The following AGAP2 variants were observed in gnomAD, a reference collection of about 807,000 sequenced individuals.
The protein encoded by AGAP2 is ArfGAP with GTPase domain, ankyrin repeat and PH domain 2.
Under a neutral mutation model 110.9 loss-of-function variants are expected in AGAP2, and 32 were observed. The ratio of observed to expected loss-of-function variants is 0.29; its 90% CI spans 0.22 to 0.39. The LOEUF is 0.39. Among genes scored for constraint, AGAP2 ranks in the 10% least tolerant of loss-of-function variants. The probability of loss-of-function intolerance (pLI) is 1.00; values close to 1 mark genes in which losing one functional copy is unlikely to be tolerated. For missense variants in AGAP2, 1,285 were observed against 1,638.5 expected (o/e 0.78, Z 3.72); for synonymous variants, 702 against 713.0 (o/e 0.98, Z 0.25).
chr12:57,741,768 T>A (rs1014065479), upstream of AGAP2: 13 of 952,898 alleles, frequency 1.4e-5, no homozygotes, highest in Non-Finnish European at 2.1e-5. Context: ...TCTTTTTCCA[T>A]CCTCCCTAAA....
At chr12:57,733,385 C>T (rs1954923159) in intron 5 of AGAP2, among the ~76,000 whole-genome samples, 1 of 152,118 alleles carries the variant, frequency 6.6e-6, no homozygotes, top group African/African-American at 2.4e-5. Flanking sequence ...TGGGTCATGG[C>T]TGGACTGCCC....
chr12:57,730,703 G>C, intron 11 of AGAP2, 88 bp downstream of exon 11: 29 of 1,606,210 alleles, frequency 1.8e-5, no homozygotes, highest in Non-Finnish European at 2.5e-5. Context: ...CTTCCTACTC[G>C]CCCAGTGCCA....
Position 57,725,254 on chromosome 12 carries a change from AAGG to A in AGAP2, c.*1295_*1297del, listed in dbSNP as rs1954740750. On this transcript the variant is annotated 3_prime_UTR_variant, in exon 19 of 19. Coordinates refer to ENST00000547588, the MANE Select transcript of AGAP2 (RefSeq NM_001122772.3). Reference sequence around the variant, plus strand: ...GAAGAAGATTCACACCACTGCCTCCAAGGAGATGGGGGGGCATTTCCCCCTTGC... The same window carrying A: ...GAAGAAGATTCACACCACTGCCTCCAAGATGGGGGGGCATTTCCCCCTTGC... 6.6e-6 allele frequency: 1 copy of A among 151,924 alleles called. No homozygotes were observed. The highest frequency in any genetic ancestry group is 2.4e-5 in the African/African-American group (1 of 41,258). The allele number at this position is 151,924 out of a possible 1,614,324, so 9.4% of individuals were successfully genotyped here.
At position 57,727,224 on chromosome 12, in the gene AGAP2, T is replaced by C. The variant is rs779127307; in HGVS notation, c.3086A>G (p.Glu1029Gly). 5 of 1,612,202 alleles carry C rather than the reference T, an allele frequency of 3.1e-6. No individual in the cohort carries two copies. The South Asian group carries it at 4.4e-5, about 14-fold the overall frequency. ...AKPSRDSSRE[E>G]RESWIRAKYE... ...CTTGGCGCGAATCCACGACTCGCGC[T>C]CCTCCCTGCAAGACCAGGGATCAAC... The change falls in exon 18 of 19, where the codon GAG (glutamate) becomes GGG (glycine). Residue 1029 changes from glutamate (E) to glycine (G), a missense_variant. Physicochemically the swap from Glu to Gly is moderately conservative, Grantham distance 98. Around this residue, in one of 7 missense-constraint regions of AGAP2, gnomAD observed 201 missense variants for 276.1 expected, o/e 0.73. Coordinates refer to ENST00000547588, the MANE Select transcript of AGAP2 (RefSeq NM_001122772.3).
intron 6 of AGAP2, 88 bp from the exon 7 acceptor site, chr12:57,732,600 C>T: frequency 7.5e-7 from 1 of 1,342,262 alleles, no homozygotes; most frequent in Non-Finnish European, 1.0e-6. Context: ...CCCCAGTAGA[C>T]AACACAGGAC....
chr12:57,738,113 C>T lies in AGAP2; in HGVS notation c.134G>A (p.Arg45Lys). The T allele has an allele frequency of 6.6e-7, 1 of 1,521,360 alleles. No individual in the cohort carries two copies. The highest frequency in any genetic ancestry group is 8.8e-7 in the Non-Finnish European group (1 of 1,140,020). The allele number at this position is 1,521,360 out of a possible 1,614,324, so 94.2% of individuals were successfully genotyped here. The change falls in exon 1 of 19, where the codon AGA (arginine) becomes AAA (lysine). Residue 45 changes from arginine (R) to lysine (K), a missense_variant. Physicochemically the swap from Arg to Lys is conservative, Grantham distance 26. This residue lies in a region of AGAP2 where 844 missense variants were observed against 941.2 expected (regional missense o/e 0.90). Coordinates refer to ENST00000547588, the MANE Select transcript of AGAP2 (RefSeq NM_001122772.3). This position sits in a 1 kb window ranked among gnomAD's most constrained non-coding sequence, Gnocchi z 6.7. Reference protein sequence around the residue: ...SAAAAGAAGARGSETGDPGSP... With the variant: ...SAAAAGAAGAKGSETGDPGSP... ...GCCAGGATCCCCAGTCTCGGAGCCT[C>T]TGGCACCGGCGGCGCCGGCCGCGGC...
At chr12:57,733,981 C>G in intron 5 of AGAP2, 45 bp downstream of exon 5, 2 of 1,524,064 alleles carry the variant, frequency 1.3e-6, no homozygotes, top group Non-Finnish European at 1.8e-6. Flanking sequence ...CAGTAGCCTC[C>G]TTAGGGCCTC....
In AGAP2 at chr12:57,737,639, C is replaced by T. The variant is rs550139604; in HGVS notation, c.608G>A (p.Gly203Asp). The T allele has an allele frequency of 7.1e-6, 11 of 1,547,138 alleles. No individual in the cohort carries two copies. In the East Asian group the frequency reaches 9.8e-5, roughly 14 times the overall value. ...VTTSGAKAGG[G>D]KGAGSRLSWP... ...TGACAGGCGGCTACCCGCGCCCTTG[C>T]CCCCGCCGGCTTTGGCTCCACTCGT... The change falls in exon 1 of 19, where the codon GGC becomes GAC. Residue 203 changes from glycine (G) to aspartate (D), a missense_variant. By Grantham distance (94) the Gly-to-Asp change is moderately conservative. Around this residue, in one of 7 missense-constraint regions of AGAP2, gnomAD observed 844 missense variants for 941.2 expected, o/e 0.90. Coordinates refer to ENST00000547588, the MANE Select transcript of AGAP2 (RefSeq NM_001122772.3). This position sits in a 1 kb window ranked among gnomAD's most constrained non-coding sequence, Gnocchi z 5.9.
chr12:57,729,823 C>A (rs1374726528), intron 12 of AGAP2, 56 bp from the exon 13 acceptor site: 3 of 1,550,230 alleles, frequency 1.9e-6, no homozygotes, highest in Admixed American at 2.0e-5. Context: ...TTCCTGATTT[C>A]TTGATAGCCT....
At chr12:57,736,500 C>G (rs994659267) in intron 1 of AGAP2, among the ~76,000 whole-genome samples, 1 of 151,942 alleles carries the variant, frequency 6.6e-6, no homozygotes, top group African/African-American at 2.4e-5. Context: ...TATCCGCCCC[C>G]TCTCACTTCA....
In AGAP2 at chr12:57,728,052, G is replaced by A. The variant is rs1954807332; in HGVS notation, c.2651C>T (p.Thr884Met). ...TGCCTCAAAGTGCCACGTCTGACCCGTGCTGGACACGATCAGGAACTCAAA... is the reference window on the plus strand; with the variant it reads ...TGCCTCAAAGTGCCACGTCTGACCCATGCTGGACACGATCAGGAACTCAAA... ...ENFEFLIVSS[T>M]GQTWHFEAAS... The change falls in exon 15 of 19, where the codon ACG (threonine) becomes ATG (methionine). Residue 884 changes from threonine to methionine, a missense_variant. By Grantham distance (81) the Thr-to-Met change is moderately conservative. This residue lies in a region of AGAP2 where 25 missense variants were observed against 67.5 expected (regional missense o/e 0.37). Transcript: ENST00000547588. 1.1e-5 allele frequency: 18 copies of A among 1,608,660 alleles called. No homozygotes were observed. Among genetic ancestry groups the A allele is most frequent in the Non-Finnish European group, 1.5e-5 (18 of 1,177,304 alleles).
intron 4 of AGAP2, 46 bp from the exon 5 acceptor site, chr12:57,734,219 C>T: frequency 2.5e-6 from 4 of 1,609,830 alleles, no homozygotes; most frequent in Non-Finnish European, 2.5e-6. Flanking sequence ...CAGGTCTACT[C>T]CTCTGGACCC....
In AGAP2 at chr12:57,725,345, A is replaced by AG. The variant is rs1262639248; in HGVS notation, c.*1206_*1207insC. On this transcript the variant is annotated 3_prime_UTR_variant, in exon 19 of 19. Transcript: ENST00000547588. ...GCAAACTATTTTAGCCAGAAAAAAA[A>AG]AAAAAAAAAAAGACCGGAAACCACT... 6.6e-6 allele frequency: 1 copy of AG among 151,130 alleles called. No homozygotes were observed. Among genetic ancestry groups the AG allele is most frequent in the African/African-American group, 2.4e-5 (1 of 41,078 alleles). The allele number at this position is 151,130 out of a possible 1,614,324, so 9.4% of individuals were successfully genotyped here. A position where few individuals can be genotyped will look rare whatever the true frequency, so the allele number is the denominator to read the frequency against.
upstream of AGAP2, among the ~76,000 whole-genome samples, chr12:57,741,697 T>C (rs1167412489): frequency 1.3e-5 from 2 of 152,188 alleles, no homozygotes; most frequent in South Asian, 2.1e-4. Flanking sequence ...CAGGGACCTG[T>C]ATTTTGATCT....
intron 3 of AGAP2, 53 bp from the exon 4 acceptor site, chr12:57,734,457 C>T (rs1359553857): frequency 6.3e-7 from 1 of 1,598,030 alleles, no homozygotes; most frequent in Non-Finnish European, 8.6e-7. Flanking sequence ...GGTCACCAAA[C>T]CTCCCCATGC....
At chr12:57,740,058 T>A (rs1276866961), upstream of AGAP2, 1 of 152,304 alleles carries the variant, frequency 6.6e-6, no homozygotes, top group Non-Finnish European at 1.5e-5. Context: ...AAGGTCTCTC[T>A]GCAGCCTTGG....
intron 1 of AGAP2, among the ~76,000 whole-genome samples, chr12:57,736,288 C>A (rs1047131953): frequency 2.0e-5 from 3 of 152,206 alleles, no homozygotes; most frequent in African/African-American, 7.2e-5. Flanking sequence ...TGCCTATCTC[C>A]TCCAGTAGGA....
intron 1 of AGAP2, among the ~76,000 whole-genome samples, chr12:57,736,605 C>T (rs759789498): frequency 7.2e-5 from 11 of 152,352 alleles, no homozygotes; most frequent in African/African-American, 2.4e-4. Flanking sequence ...TGCTCTCAGC[C>T]CAGGGGACGA....
chr12:57,737,621 C>G lies in AGAP2; in HGVS notation c.626G>C (p.Arg209Pro). 1.3e-6 allele frequency: 2 copies of G among 1,547,376 alleles called. No individual in the cohort carries two copies. The highest frequency in any genetic ancestry group is 1.7e-6 in the Non-Finnish European group (2 of 1,146,728). Reference sequence around the variant, plus strand: ...GCCCTCGCTTTCGGGCCATGACAGGCGGCTACCCGCGCCCTTGCCCCCGCC... The same window carrying G: ...GCCCTCGCTTTCGGGCCATGACAGGGGGCTACCCGCGCCCTTGCCCCCGCC... ...KAGGGKGAGS[R>P]LSWPESEGKP... Residue 209 changes from arginine to proline, a missense_variant, in exon 1 of 19, where the codon CGC (arginine) becomes CCC (proline). Physicochemically the swap from Arg to Pro is moderately radical, Grantham distance 103. Around this residue, in one of 7 missense-constraint regions of AGAP2, gnomAD observed 844 missense variants for 941.2 expected, o/e 0.90. Transcript: ENST00000547588. The surrounding 1 kb of genome is among the most constrained non-coding windows in gnomAD (Gnocchi z 5.9).
Sources: gnomAD v4.1 joint callset for allele counts (sites outside exome capture counted in the v4.1 genomes callset) on GRCh38, gnomAD v4.1.1 for gene constraint, gnomAD v4.1.1 regional missense constraint, Gnocchi (gnomAD v3.1) non-coding constraint, MANE v1.5 for transcripts, NCBI Gene and HGNC (gene_info 2026-07-23, HGNC 2026-07-21) for gene names.